KCNU1: variants seen among roughly 807,000 people sequenced by gnomAD.
The protein encoded by KCNU1 is potassium calcium-activated channel subfamily U member 1.
In KCNU1, 93 loss-of-function variants were observed where a neutral mutation model predicts 126.8. The observed-to-expected ratio is 0.73, with a 90% confidence interval of 0.62 to 0.87. The LOEUF (loss-of-function observed/expected upper bound fraction) is 0.87, where lower values mean the gene tolerates loss of function less well. KCNU1 is among the 40% of genes least tolerant of loss of function. KCNU1 has a pLI of 0.00. For synonymous variants in KCNU1, 523 were observed against 494.2 expected (o/e 1.06, Z -0.77); for missense variants, 1,330 against 1,367.1 (o/e 0.97, Z 0.43).
At position 36,814,491 on chromosome 8, in the gene KCNU1, C is replaced by T. The variant is rs1803838561; in HGVS notation, c.903+114C>T. ...AGAGTGAATGTTGCATTACTTGGGG[C>T]ACATGTCAAGGGCAAATGAAAACAT... On this transcript the variant is annotated intron_variant, in intron 8 of 26. Coordinates refer to ENST00000399881, the MANE Select transcript of KCNU1 (RefSeq NM_001031836.3). 6 of 761,548 alleles carry T rather than the reference C, an allele frequency of 7.9e-6. No individual in the cohort carries two copies. The South Asian group carries it at 1.1e-4, about 14-fold the overall frequency. 47.2% of individuals were successfully genotyped at this position (761,548 alleles called of 1,614,324 possible). A position where few individuals can be genotyped will look rare whatever the true frequency, so the allele number is the denominator to read the frequency against.
At chr8:36,814,048 A>C (rs1201367257) in intron 7 of KCNU1, among the ~76,000 whole-genome samples, 159 bp from the exon 8 acceptor site, 1 of 151,968 alleles carries the variant, frequency 6.6e-6, no homozygotes, top group African/African-American at 2.4e-5. Context: ...TGATTTACAA[A>C]CTCTTCCATT....
At chr8:36,843,348 G>C (rs1320578134) in intron 16 of KCNU1, among the ~76,000 whole-genome samples, 1 of 152,192 alleles carries the variant, frequency 6.6e-6, no homozygotes, top group Non-Finnish European at 1.5e-5. Context: ...AAAGGATTAA[G>C]TTCTGATTTG....
At chr8:36,931,228 A>T in intron 25 of KCNU1, 83 bp downstream of exon 25, 1 of 831,202 alleles carries the variant, frequency 1.2e-6, no homozygotes. Flanking sequence ...ATTTGGGTTC[A>T]TAGATGTCCC....
chr8:36,895,916 C>T (rs1036524472), intron 19 of KCNU1, among the ~76,000 whole-genome samples: 1 of 151,912 alleles, frequency 6.6e-6, no homozygotes, highest in Non-Finnish European at 1.5e-5. Flanking sequence ...TAAATATACT[C>T]AATTATTATA....
chr8:36,886,682 G>T (rs1229034463), intron 19 of KCNU1, among the ~76,000 whole-genome samples: 1 of 152,058 alleles, frequency 6.6e-6, no homozygotes, highest in Non-Finnish European at 1.5e-5. Flanking sequence ...GGGTACAAGT[G>T]GTTTTTTGGT....
chr8:36,922,178 A>G lies in KCNU1; in HGVS notation c.2597-312A>G, dbSNP rs550559352. On this transcript the variant is annotated intron_variant, in intron 23 of 26. Coordinates refer to ENST00000399881, the MANE Select transcript of KCNU1 (RefSeq NM_001031836.3). ...GAGCATGCTCCCTTTTGCTCCCCCAAAATATCCTGGTTTGAAAGATAAATT... is the reference window on the plus strand; with the variant it reads ...GAGCATGCTCCCTTTTGCTCCCCCAGAATATCCTGGTTTGAAAGATAAATT... 2.9e-3 allele frequency among the ~76,000 whole-genome samples: 445 copies of G among 152,298 alleles called. 2 individuals are homozygous for G. Among genetic ancestry groups the G allele is most frequent in the Non-Finnish European group, 5.4e-3 (368 of 68,020 alleles).
intron 20 of KCNU1, 45 bp from the exon 21 acceptor site, chr8:36,909,266 A>G (rs757568888): frequency 2.4e-6 from 3 of 1,255,992 alleles, no homozygotes; most frequent in African/African-American, 1.5e-5. Flanking sequence ...AGGGATTCTC[A>G]TCTTGCTTAT....
At chr8:36,855,532 G>A (rs530522105) in intron 18 of KCNU1, among the ~76,000 whole-genome samples, 2 of 152,210 alleles carry the variant, frequency 1.3e-5, no homozygotes, top group African/African-American at 4.8e-5. Flanking sequence ...ATTATGTTTT[G>A]AAAGCTATCG....
chr8:36,838,767 CATT>C (rs1804846187), intron 14 of KCNU1, among the ~76,000 whole-genome samples: 1 of 152,036 alleles, frequency 6.6e-6, no homozygotes, highest in Admixed American at 6.5e-5. Flanking sequence ...GATCACCTGT[CATT>C]ATTTATACAA....
rs189917926 is a variant in KCNU1, at chr8:36,894,956, G to A, written c.2010-10752G>A. Reference sequence around the variant, plus strand: ...AGTTATTGAACCAGAAGTGTCAATGGTGAATTTTATTAGCTCTCATGAACT... The same window carrying A: ...AGTTATTGAACCAGAAGTGTCAATGATGAATTTTATTAGCTCTCATGAACT... On this transcript the variant is annotated intron_variant, in intron 19 of 26. Transcript: ENST00000399881. Among the ~76,000 whole-genome samples, 17 of 152,166 alleles carry A rather than the reference G, an allele frequency of 1.1e-4. No individual in the cohort carries two copies. In the East Asian group the frequency reaches 2.7e-3, roughly 24 times the overall value.
chr8:36,869,246 A>G (rs923523879), intron 19 of KCNU1, among the ~76,000 whole-genome samples: 1 of 152,184 alleles, frequency 6.6e-6, no homozygotes, highest in Non-Finnish European at 1.5e-5. Flanking sequence ...ATTTCCAAGC[A>G]TTGTATAACA....
chr8:36,814,403 G>T, intron 8 of KCNU1, 26 bp downstream of exon 8: 4 of 1,491,424 alleles, frequency 2.7e-6, no homozygotes, highest in South Asian at 1.2e-5. Context: ...AATATATTTT[G>T]AATATAGCTA....
chr8:36,835,439 G>A (rs1238267805), intron 12 of KCNU1, among the ~76,000 whole-genome samples: 9 of 151,448 alleles, frequency 5.9e-5, no homozygotes, highest in East Asian at 5.8e-4. Flanking sequence ...CCACCTCCCC[G>A]GTGCAAGCAG....
chr8:36,897,482 C>T (rs1328551599), intron 19 of KCNU1, among the ~76,000 whole-genome samples: 2 of 151,904 alleles, frequency 1.3e-5, no homozygotes, highest in African/African-American at 4.8e-5. Flanking sequence ...TTCAAGGAAT[C>T]CAAATATGAA....
At chr8:36,790,998 GA>G (rs199547680) in intron 2 of KCNU1, among the ~76,000 whole-genome samples, 39,378 of 134,658 alleles carry the variant, frequency 0.29, 6,556 homozygotes, top group African/African-American at 0.47. Context: ...TAGGAAGATG[GA>G]AAAAAAAAAA....
Position 36,911,036 on chromosome 8 carries a change from T to C in KCNU1, c.2438T>C (p.Val813Ala). The part of the protein sequence containing the change: ...PPQPSSNQTL[V>A]DTEAIMATLT... Reference sequence around the variant, plus strand: ...CAGCCATCAAGCAACCAGACTTTGGTAGACACAGAAGCCATCATGGCAACC... The same window carrying C: ...CAGCCATCAAGCAACCAGACTTTGGCAGACACAGAAGCCATCATGGCAACC... The change falls in exon 22 of 27, where the codon GTA becomes GCA. Residue 813 changes from valine to alanine, a missense_variant. This residue lies in a region of KCNU1 where 1,054 missense variants were observed against 1,053.9 expected (regional missense o/e 1.00). Coordinates refer to ENST00000399881, the MANE Select transcript of KCNU1 (RefSeq NM_001031836.3). The C allele has an allele frequency of 6.2e-7, 1 of 1,613,528 alleles. No individual in the cohort carries two copies. Among genetic ancestry groups the C allele is most frequent in the South Asian group, 1.1e-5 (1 of 91,042 alleles).
At chr8:36,930,876 C>T (rs768683113) in intron 24 of KCNU1, 75 bp from the exon 25 acceptor site, 13 of 1,028,984 alleles carry the variant, frequency 1.3e-5, no homozygotes, top group Admixed American at 2.8e-5. Flanking sequence ...CCCACTAAAT[C>T]TCCAAGCCTT....
intron 4 of KCNU1, 104 bp downstream of exon 4, chr8:36,805,389 C>G: frequency 1.4e-6 from 1 of 690,306 alleles, no homozygotes; most frequent in Non-Finnish European, 2.6e-6. Context: ...GTTTTCAACT[C>G]TAAAGATAGC....
chr8:36,843,460 C>T (rs1358771988), intron 16 of KCNU1, among the ~76,000 whole-genome samples: 1 of 152,200 alleles, frequency 6.6e-6, no homozygotes, highest in Admixed American at 6.5e-5. Flanking sequence ...ATCCTCACAA[C>T]AGTGCTGTGA....
Sources: gnomAD v4.1 joint callset for allele counts (sites outside exome capture counted in the v4.1 genomes callset) on GRCh38, gnomAD v4.1.1 for gene constraint, gnomAD v4.1.1 regional missense constraint, MANE v1.5 for transcripts, NCBI Gene and HGNC (gene_info 2026-07-23, HGNC 2026-07-21) for gene names.